EFCAB5: variants seen among roughly 807,000 people sequenced by gnomAD.
EFCAB5 encodes the protein EF-hand calcium binding domain 5, also known as EF-hand calcium-binding domain-containing protein 5.
In EFCAB5, 131 loss-of-function variants were observed where a neutral mutation model predicts 167.9. The observed-to-expected ratio is 0.78, with a 90% confidence interval of 0.68 to 0.90. The LOEUF is 0.90. Ranked by LOEUF, EFCAB5 falls within the 40% of genes least tolerant of loss-of-function variation. EFCAB5 has a pLI of 0.00. For synonymous variants in EFCAB5, 574 were observed against 602.8 expected (o/e 0.95, Z 0.70); for missense variants, 1,663 against 1,745.2 (o/e 0.95, Z 0.84).
chr17:29,949,765 G>A (rs2067471257), intron 3 of EFCAB5, among the ~76,000 whole-genome samples: 1 of 152,188 alleles, frequency 6.6e-6, no homozygotes, highest in African/African-American at 2.4e-5. Context: ...GGTTCTAAGA[G>A]AGAAGTGTTT....
chr17:30,054,007 G>C lies in EFCAB5; in HGVS notation c.2053G>C (p.Gly685Arg), dbSNP rs776591568. The C allele has an allele frequency of 3.7e-6, 6 of 1,611,022 alleles. No homozygotes were observed. The highest frequency in any genetic ancestry group is 1.3e-5 in the African/African-American group (1 of 74,878). Reference protein sequence around the residue: ...KDSILKSTKYGEPITSEYIEV... With the variant: ...KDSILKSTKYREPITSEYIEV... ...TAGTATCTTAAAAAGTACAAAATATGGGGAACCTATAACCTCTGAGTACAT... is the reference window on the plus strand; with the variant it reads ...TAGTATCTTAAAAAGTACAAAATATCGGGAACCTATAACCTCTGAGTACAT... The change falls in exon 10 of 23, where the codon GGG becomes CGG. Residue 685 changes from glycine (G) to arginine (R), a missense_variant. Gly to Arg is a moderately radical substitution (Grantham distance 125). Coordinates refer to ENST00000394835, the MANE Select transcript of EFCAB5 (RefSeq NM_198529.4).
At chr17:30,056,187 T>G in intron 12 of EFCAB5, 31 bp downstream of exon 12, 1 of 1,565,140 alleles carries the variant, frequency 6.4e-7, no homozygotes, top group Non-Finnish European at 8.7e-7. Flanking sequence ...TAGGAATAGA[T>G]GGCAGTCCAA....
At chr17:30,099,630 T>C (rs546816857) in intron 22 of EFCAB5, among the ~76,000 whole-genome samples, 2 of 152,314 alleles carry the variant, frequency 1.3e-5, no homozygotes, top group East Asian at 3.9e-4. Context: ...TTTTCAATTG[T>C]GAAATCTAGG....
intron 8 of EFCAB5, among the ~76,000 whole-genome samples, chr17:30,041,687 A>G (rs372291218): frequency 5.3e-5 from 8 of 152,358 alleles, no homozygotes; most frequent in African/African-American, 1.4e-4. Flanking sequence ...ATCACATGCT[A>G]CAGAGAAATC....
At chr17:30,090,363 G>A in intron 19 of EFCAB5, 58 bp from the exon 20 acceptor site, 1 of 1,572,616 alleles carries the variant, frequency 6.4e-7, no homozygotes, top group Non-Finnish European at 8.6e-7. Flanking sequence ...TGTTTTGGTG[G>A]AATGATGTGA....
At chr17:30,102,605 A>T (rs2151860492) in intron 22 of EFCAB5, among the ~76,000 whole-genome samples, 1 of 151,930 alleles carries the variant, frequency 6.6e-6, no homozygotes, top group African/African-American at 2.4e-5. Flanking sequence ...GGAATTTCAG[A>T]CGTAGCAAAA....
At chr17:30,007,142 G>T (rs1301979175) in intron 7 of EFCAB5, among the ~76,000 whole-genome samples, 1 of 152,040 alleles carries the variant, frequency 6.6e-6, no homozygotes, top group East Asian at 1.9e-4. Flanking sequence ...TAGCAAACTC[G>T]GCTGCAAATA....
At chr17:29,940,081 T>C (rs1164082121), upstream of EFCAB5, among the ~76,000 whole-genome samples, 1 of 27,350 alleles carries the variant, frequency 3.7e-5, no homozygotes, top group Non-Finnish European at 7.7e-5. Flanking sequence ...CTGGGAACTC[T>C]TTTTTTTTTT....
chr17:30,068,864 G>A (rs1268278726), intron 14 of EFCAB5: 4 of 1,442,368 alleles, frequency 2.8e-6, no homozygotes, highest in Non-Finnish European at 3.9e-6. Flanking sequence ...AATGCTTATA[G>A]CCATACCATG....
chr17:29,962,528 T>A (rs1204513163), intron 3 of EFCAB5, among the ~76,000 whole-genome samples: 1 of 151,984 alleles, frequency 6.6e-6, no homozygotes, highest in Non-Finnish European at 1.5e-5. Flanking sequence ...TGGACTGCAG[T>A]GATGTAATCA....
chr17:29,955,229 G>T (rs2067589978), intron 3 of EFCAB5, among the ~76,000 whole-genome samples: 1 of 152,094 alleles, frequency 6.6e-6, no homozygotes, highest in Admixed American at 6.6e-5. Context: ...GATTTGGGAG[G>T]GGCCGGGGCA....
chr17:29,951,845 C>G (rs758765274), intron 3 of EFCAB5, among the ~76,000 whole-genome samples: 51 of 152,164 alleles, frequency 3.4e-4, no homozygotes, highest in Non-Finnish European at 5.9e-4. Context: ...TCAAAAACCA[C>G]TGCTCTACAG....
At chr17:30,083,685 C>G (rs1167851674) in intron 18 of EFCAB5, among the ~76,000 whole-genome samples, 1 of 152,188 alleles carries the variant, frequency 6.6e-6, no homozygotes, top group Non-Finnish European at 1.5e-5. Context: ...AACTCCCGAC[C>G]TCAGATGATC....
chr17:29,959,089 A>G (rs1214617473), intron 3 of EFCAB5, among the ~76,000 whole-genome samples: 1 of 152,214 alleles, frequency 6.6e-6, no homozygotes, highest in East Asian at 1.9e-4. Flanking sequence ...GGACTGTGCC[A>G]GGTCCAACCT....
At chr17:30,061,757 A>G (rs2070431984) in intron 14 of EFCAB5, among the ~76,000 whole-genome samples, 1 of 152,150 alleles carries the variant, frequency 6.6e-6, no homozygotes, top group African/African-American at 2.4e-5. Context: ...TTTTTAAGAC[A>G]GGGTCTCACT....
chr17:29,978,961 G>A (rs955907577), intron 4 of EFCAB5, among the ~76,000 whole-genome samples: 5 of 152,264 alleles, frequency 3.3e-5, no homozygotes, highest in South Asian at 2.1e-4. Flanking sequence ...AGGGGGGATG[G>A]GGGGAGTGGG....
rs1408954764 is a variant in EFCAB5 at position 30,082,905 on chromosome 17, C to T, written c.3441C>T (p.Val1147=). ...TGTCTCTACAGGGTGTTGCTAATGTCTTTAGCACTGCCTATCACTACGTCC... is the reference window on the plus strand; with the variant it reads ...TGTCTCTACAGGGTGTTGCTAATGTTTTTAGCACTGCCTATCACTACGTCC... ...EIRFYQGVAN[V]FSTAYHYVHS... is the part of the protein sequence containing the mutation. Residue 1147 remains valine (V), a synonymous_variant, in exon 18 of 23, where the codon GTC becomes GTT. Transcript: ENST00000394835. 1 of 1,613,714 alleles carries T rather than the reference C, an allele frequency of 6.2e-7. No homozygotes were observed.
chr17:30,032,330 C>A (rs1198578300), intron 7 of EFCAB5, among the ~76,000 whole-genome samples: 1 of 152,310 alleles, frequency 6.6e-6, no homozygotes, highest in East Asian at 1.9e-4. Context: ...AGTCTCAGTT[C>A]ACATGGAGGA....
Position 30,034,317 on chromosome 17 carries a change from G to C in EFCAB5, c.1132G>C (p.Glu378Gln). Residue 378 changes from glutamate to glutamine, a missense_variant, in exon 8 of 23, where the codon GAG (glutamate) becomes CAG (glutamine). Transcript: ENST00000394835. Reference protein sequence around the residue: ...HLCHSADEFREVIKADMRRQM... With the variant: ...HLCHSADEFRQVIKADMRRQM... ...TTGCCACTCTGCAGATGAATTTCGGGAGGTCATAAAAGCTGACATGCGGAG... is the reference window on the plus strand; with the variant it reads ...TTGCCACTCTGCAGATGAATTTCGGCAGGTCATAAAAGCTGACATGCGGAG... 1 of 1,613,778 alleles carries C rather than the reference G, an allele frequency of 6.2e-7. No homozygotes were observed. The highest frequency in any genetic ancestry group is 1.1e-5 in the South Asian group (1 of 91,058).
Sources: gnomAD v4.1 joint callset for allele counts (sites outside exome capture counted in the v4.1 genomes callset) on GRCh38, gnomAD v4.1.1 for gene constraint, MANE v1.5 for transcripts, NCBI Gene and HGNC (gene_info 2026-07-23, HGNC 2026-07-21) for gene names.